PDGFC: variants seen among roughly 807,000 people sequenced by gnomAD.
PDGFC encodes the protein platelet derived growth factor C, also known as platelet-derived growth factor C.
PDGFC carries 12 observed loss-of-function variants against 35.5 expected under a neutral mutation model. The ratio of observed to expected loss-of-function variants is 0.34; its 90% CI spans 0.22 to 0.55. PDGFC has a LOEUF of 0.55. Among genes scored for constraint, PDGFC ranks in the 20% least tolerant of loss-of-function variants. The pLI is 0.91. For missense variants in PDGFC, 322 were observed against 412.4 expected (o/e 0.78, Z 1.90); for synonymous variants, 159 against 148.8 (o/e 1.07, Z -0.50).
At chr4:156,927,477 C>A (rs757148464) in intron 1 of PDGFC, among the ~76,000 whole-genome samples, 1 of 152,162 alleles carries the variant, frequency 6.6e-6, no homozygotes, top group African/African-American at 2.4e-5. Context: ...GCCAGGTCAC[C>A]TCTTGAATGC....
intron 3 of PDGFC, among the ~76,000 whole-genome samples, chr4:156,794,629 AATATCTATTTAT>A (rs1249088257): frequency 6.6e-6 from 1 of 152,052 alleles, no homozygotes; most frequent in Non-Finnish European, 1.5e-5. Flanking sequence ...ATAAGATAAA[AATATCTATTTAT>A]ATACCTTCAT....
At chr4:156,943,324 C>T (rs1560884472) in intron 1 of PDGFC, among the ~76,000 whole-genome samples, 1 of 152,052 alleles carries the variant, frequency 6.6e-6, no homozygotes, top group African/African-American at 2.4e-5. Flanking sequence ...GCTCTAAATT[C>T]CCATGGTACT....
chr4:156,879,960 G>A (rs1465562644), intron 1 of PDGFC, among the ~76,000 whole-genome samples: 4 of 152,104 alleles, frequency 2.6e-5, no homozygotes, highest in African/African-American at 9.7e-5. Context: ...ATTCTATGAA[G>A]GGTGAGAGAG....
intron 1 of PDGFC, among the ~76,000 whole-genome samples, chr4:156,922,762 G>A (rs1443081481): frequency 1.3e-5 from 2 of 152,152 alleles, no homozygotes; most frequent in Non-Finnish European, 2.9e-5. Context: ...TGTTCCACAT[G>A]AGCCAGTGAA....
intron 1 of PDGFC, chr4:156,967,609 C>CTTTG (rs1732496753): frequency 6.6e-6 from 1 of 152,196 alleles, no homozygotes; most frequent in Admixed American, 6.5e-5. Context: ...CCACCAACAA[C>CTTTG]TTTGTCATTG....
At chr4:156,816,205 A>G (rs1371056826) in intron 2 of PDGFC, among the ~76,000 whole-genome samples, 1 of 152,190 alleles carries the variant, frequency 6.6e-6, no homozygotes, top group Non-Finnish European at 1.5e-5. Context: ...AATCTACCCT[A>G]TGAATTATCA....
chr4:156,808,760 G>A (rs1731844575), intron 3 of PDGFC, among the ~76,000 whole-genome samples: 2 of 152,094 alleles, frequency 1.3e-5, no homozygotes, highest in South Asian at 4.1e-4. Context: ...TAACTCATCA[G>A]ATCTCACCCT....
At chr4:156,804,352 C>A (rs934788477) in intron 3 of PDGFC, among the ~76,000 whole-genome samples, 2 of 151,924 alleles carry the variant, frequency 1.3e-5, no homozygotes, top group South Asian at 4.1e-4. Flanking sequence ...CACCCCAGAC[C>A]AAGAAAATGA....
At chr4:156,878,599 A>G (rs1277447505) in intron 1 of PDGFC, among the ~76,000 whole-genome samples, 1 of 152,134 alleles carries the variant, frequency 6.6e-6, no homozygotes, top group Non-Finnish European at 1.5e-5. Flanking sequence ...TAATATTTGC[A>G]TTATATATAC....
At chr4:156,954,038 C>T (rs1314678618) in intron 1 of PDGFC, among the ~76,000 whole-genome samples, 2 of 151,884 alleles carry the variant, frequency 1.3e-5, no homozygotes, top group African/African-American at 4.8e-5. Flanking sequence ...GGGTACTGAA[C>T]ATTTCTATTG....
chr4:156,839,206 G>T (rs1462096287), intron 2 of PDGFC, among the ~76,000 whole-genome samples: 1 of 152,194 alleles, frequency 6.6e-6, no homozygotes, highest in African/African-American at 2.4e-5. Flanking sequence ...CCCCAGACAT[G>T]TTCCAAGACT....
At position 156,810,977 on chromosome 4, in the gene PDGFC, T is replaced by A; in HGVS notation, c.355A>T (p.Ile119Leu). ...VEVEEPSDGTILGRWCGSGTV... is the reference protein window; with the variant it reads ...VEVEEPSDGTLLGRWCGSGTV... The stretch of plus-strand genomic sequence containing the variant: ...CCAGAACCACACCAGCGCCCTAATA[T>A]AGTTCCATCACTGGGTTCCTCAACT... Residue 119 changes from isoleucine (I) to leucine (L), a missense_variant, in exon 3 of 6, where the codon ATA becomes TTA. Ile to Leu is a conservative substitution (Grantham distance 5, BLOSUM62 2). Transcript: ENST00000502773. 1 of 1,597,914 alleles carries A rather than the reference T, an allele frequency of 6.3e-7. No individual in the cohort carries two copies. The highest frequency in any genetic ancestry group is 8.5e-7 in the Non-Finnish European group (1 of 1,173,466).
intron 2 of PDGFC, among the ~76,000 whole-genome samples, chr4:156,822,253 G>A (rs1467081831): frequency 6.6e-6 from 1 of 151,456 alleles, no homozygotes; most frequent in Non-Finnish European, 1.5e-5. Flanking sequence ...CAGCTACCTG[G>A]GAGGCTGAGG....
At chr4:156,969,976 G>A (rs1306277806) in intron 1 of PDGFC, among the ~76,000 whole-genome samples, 1 of 152,144 alleles carries the variant, frequency 6.6e-6, no homozygotes, top group Non-Finnish European at 1.5e-5. Flanking sequence ...GGGTTCAGAG[G>A]CTAAGCAAAT....
At chr4:156,870,421 A>C (rs937111122) in intron 1 of PDGFC, among the ~76,000 whole-genome samples, 1 of 152,112 alleles carries the variant, frequency 6.6e-6, no homozygotes, top group Non-Finnish European at 1.5e-5. Context: ...ATTTAAGGAG[A>C]CATTTTTGTC....
intron 1 of PDGFC, among the ~76,000 whole-genome samples, chr4:156,941,988 G>A (rs187349798): frequency 7.7e-4 from 117 of 152,134 alleles, no homozygotes; most frequent in Admixed American, 5.2e-3. Context: ...GTGAATAAAG[G>A]CAAGTATAAC....
intron 3 of PDGFC, among the ~76,000 whole-genome samples, chr4:156,775,416 C>A (rs1730802977): frequency 6.6e-6 from 1 of 152,042 alleles, no homozygotes; most frequent in African/African-American, 2.4e-5. Flanking sequence ...CAAGTTAATA[C>A]AAAAAGTATA....
intron 3 of PDGFC, among the ~76,000 whole-genome samples, chr4:156,788,776 CT>C (rs926664380): frequency 6.6e-6 from 1 of 152,116 alleles, no homozygotes; most frequent in African/African-American, 2.4e-5. Context: ...GAAATGGTTA[CT>C]TTAAAAGAAT....
At chr4:156,888,313 G>T (rs1040077849) in intron 1 of PDGFC, among the ~76,000 whole-genome samples, 1 of 152,090 alleles carries the variant, frequency 6.6e-6, no homozygotes, top group Non-Finnish European at 1.5e-5. Flanking sequence ...TCATATTATG[G>T]TGTCATTTAG....
Sources: gnomAD v4.1 joint callset for allele counts (sites outside exome capture counted in the v4.1 genomes callset) on GRCh38, gnomAD v4.1.1 for gene constraint, MANE v1.5 for transcripts, NCBI Gene and HGNC (gene_info 2026-07-23, HGNC 2026-07-21) for gene names.